CATSPERD: variants seen among roughly 807,000 people sequenced by gnomAD.
CATSPERD encodes the protein catsper channel auxiliary subunit delta, also known as cation channel sperm-associated auxiliary subunit delta.
In CATSPERD, 86 loss-of-function variants were observed where a neutral mutation model predicts 98.1. The ratio of observed to expected loss-of-function variants is 0.88; its 90% CI spans 0.74 to 1.05. CATSPERD has a LOEUF of 1.05. CATSPERD is among the 50% of genes least tolerant of loss of function. CATSPERD has a pLI of 0.00. For missense variants in CATSPERD, 995 were observed against 1,005.7 expected, an observed-to-expected ratio of 0.99 and a Z score of 0.14; for synonymous variants, 394 against 390.2, an observed-to-expected ratio of 1.01 and a Z score of -0.12.
intron 12 of CATSPERD, 138 bp downstream of exon 12, chr19:5,751,961 A>C: frequency 1.2e-6 from 1 of 803,352 alleles, no homozygotes; most frequent in Non-Finnish European, 1.8e-6. Context: ...CCAGGAGTTC[A>C]AGACCAGCCT....
At chr19:5,766,497 G>C (rs2056541682) in intron 17 of CATSPERD, among the ~76,000 whole-genome samples, 1 of 151,698 alleles carries the variant, frequency 6.6e-6, no homozygotes, top group Non-Finnish European at 1.5e-5. Flanking sequence ...TATTGGAGTG[G>C]AGTGAGGAGA....
At chr19:5,770,430 CAAA>C (rs539340482) in intron 18 of CATSPERD, among the ~76,000 whole-genome samples, 7 of 81,958 alleles carry the variant, frequency 8.5e-5, no homozygotes, top group Admixed American at 1.3e-4. Flanking sequence ...AACTCCGTCT[CAAA>C]AAAAAAAAAA....
At chr19:5,755,707 A>G (rs1294783509) in intron 13 of CATSPERD, among the ~76,000 whole-genome samples, 3 of 152,112 alleles carry the variant, frequency 2.0e-5, no homozygotes, top group Non-Finnish European at 4.4e-5. Flanking sequence ...CAGGAGGCGG[A>G]GGTTGCGGTG....
intron 17 of CATSPERD, 150 bp downstream of exon 17, chr19:5,766,305 A>AAC: frequency 2.0e-6 from 1 of 500,462 alleles, no homozygotes. Context: ...AAAAAAAAAA[A>AAC]TTAGGCGTGG....
intron 7 of CATSPERD, among the ~76,000 whole-genome samples, chr19:5,740,284 A>AAAAAT (rs1020481892): frequency 6.7e-6 from 1 of 149,496 alleles, no homozygotes; most frequent in Non-Finnish European, 1.5e-5. Context: ...AGTGTCTCAA[A>AAAAAT]AAAATAAAAT....
intron 7 of CATSPERD, among the ~76,000 whole-genome samples, chr19:5,741,530 G>A (rs1033368410): frequency 3.3e-5 from 5 of 151,984 alleles, no homozygotes; most frequent in East Asian, 1.9e-4. Context: ...TCTCTTCAAC[G>A]TAGAGCTCTT....
intron 7 of CATSPERD, among the ~76,000 whole-genome samples, chr19:5,743,648 G>C (rs1204152634): frequency 8.3e-5 from 12 of 144,906 alleles, no homozygotes; most frequent in African/African-American, 2.3e-4. Flanking sequence ...CTCTGTCTCT[G>C]TCTCTCTCTC....
chr19:5,721,884 G>T (rs1374204796), intron 1 of CATSPERD, among the ~76,000 whole-genome samples: 1 of 151,786 alleles, frequency 6.6e-6, no homozygotes, highest in Non-Finnish European at 1.5e-5. Flanking sequence ...AGCTACTTGG[G>T]AGGCTGAGGC....
At chr19:5,721,021 C>T (rs1355505105) in intron 1 of CATSPERD, among the ~76,000 whole-genome samples, 1 of 145,556 alleles carries the variant, frequency 6.9e-6, no homozygotes, top group Non-Finnish European at 1.5e-5. Flanking sequence ...TTTTTTGAGA[C>T]GGAGTCTCGC....
intron 3 of CATSPERD, 128 bp from the exon 4 acceptor site, chr19:5,729,744 A>G (rs1459312293): frequency 3.5e-6 from 2 of 578,024 alleles, no homozygotes; most frequent in South Asian, 2.6e-5. Context: ...TAAGTAAATT[A>G]TATCTAAATG....
chr19:5,744,137 A>G (rs2056050437), intron 7 of CATSPERD, among the ~76,000 whole-genome samples: 1 of 151,320 alleles, frequency 6.6e-6, no homozygotes, highest in Non-Finnish European at 1.5e-5. Flanking sequence ...CTACCACCAC[A>G]CCCGGCTAAT....
At chr19:5,762,041 C>T (rs1434676049) in intron 15 of CATSPERD, among the ~76,000 whole-genome samples, 5 of 23,250 alleles carry the variant, frequency 2.2e-4, no homozygotes, top group Non-Finnish European at 4.8e-4. Flanking sequence ...CCTGGCCTGC[C>T]ATATATATAT....
chr19:5,762,085 A>G (rs568848893), intron 15 of CATSPERD, among the ~76,000 whole-genome samples: 35 of 17,860 alleles, frequency 2.0e-3, no homozygotes, highest in African/African-American at 6.5e-3. Flanking sequence ...TTTTTTTGAG[A>G]CACAGTTTCA....
chr19:5,777,879 AAAAACAAAC>A (rs2056762537), intron 21 of CATSPERD, among the ~76,000 whole-genome samples: 1 of 151,680 alleles, frequency 6.6e-6, no homozygotes, highest in South Asian at 2.1e-4. Context: ...CACCGTTTCA[AAAAACAAAC>A]AAAACAAAAC....
intron 7 of CATSPERD, among the ~76,000 whole-genome samples, chr19:5,743,687 T>TCTCTCTCTCTTC (rs2145748298): frequency 1.7e-5 from 1 of 59,170 alleles, no homozygotes; most frequent in South Asian, 5.1e-4. Context: ...TCTCTTCCTC[T>TCTCTCTCTCTTC]CTCTCTCTCT....
chr19:5,732,785 C>T (rs1053201611), intron 4 of CATSPERD, among the ~76,000 whole-genome samples: 3 of 152,026 alleles, frequency 2.0e-5, no homozygotes, highest in East Asian at 3.9e-4. Flanking sequence ...AAGCGATTCT[C>T]GTGCCTCAGA....
Position 5,749,115 on chromosome 19 carries a change from G to A in CATSPERD, c.919G>A (p.Ala307Thr), listed in dbSNP as rs770941136. The change falls in exon 11 of 22, where the codon GCA becomes ACA. Residue 307 changes from alanine (A) to threonine (T), a missense_variant. Ala to Thr is a moderately conservative substitution (Grantham distance 58, BLOSUM62 0). This residue lies in a region of CATSPERD where 762 missense variants were observed against 773.7 expected (regional missense o/e 0.98). Transcript: ENST00000381624. ...GTTTTTCCCAGCTGAAAATGAACTG[G>A]CAGTTATAACTCGGGAGGATAATTT... ...HNIAVTENELAVITREDNLYY... is the reference protein window; with the variant it reads ...HNIAVTENELTVITREDNLYY... The A allele has an allele frequency of 3.3e-5, 53 of 1,611,858 alleles. No homozygotes were observed. Among genetic ancestry groups the A allele is most frequent in the Middle Eastern group, 3.3e-4 (2 of 6,072 alleles).
chr19:5,734,811 A>T (rs1197478453), intron 5 of CATSPERD, among the ~76,000 whole-genome samples: 1 of 151,852 alleles, frequency 6.6e-6, no homozygotes, highest in Non-Finnish European at 1.5e-5. Flanking sequence ...AAAAAAAAAA[A>T]AAAATCGAGG....
intron 8 of CATSPERD, 113 bp from the exon 9 acceptor site, chr19:5,745,800 C>A: frequency 1.0e-6 from 1 of 1,004,638 alleles, no homozygotes; most frequent in Non-Finnish European, 1.4e-6. Context: ...GGCTTCTTTG[C>A]TTTCTTTGCT....
Sources: gnomAD v4.1 joint callset for allele counts (sites outside exome capture counted in the v4.1 genomes callset) on GRCh38, gnomAD v4.1.1 for gene constraint, gnomAD v4.1.1 regional missense constraint, MANE v1.5 for transcripts, NCBI Gene and HGNC (gene_info 2026-07-23, HGNC 2026-07-21) for gene names.